PLD5: variants seen among roughly 807,000 people sequenced by gnomAD.
The protein encoded by PLD5 is phospholipase D family member 5, also known as inactive phospholipase D5.
PLD5 carries 36 observed loss-of-function variants against 61.1 expected under a neutral mutation model. The observed-to-expected ratio is 0.59, with a 90% confidence interval of 0.45 to 0.78. The LOEUF is 0.78. Among genes scored for constraint, PLD5 ranks in the 30% least tolerant of loss-of-function variants. PLD5 has a pLI of 0.00. For missense variants in PLD5, 515 were observed against 644.4 expected (o/e 0.80, Z 2.17); for synonymous variants, 243 against 242.8 (o/e 1.00, Z -0.01).
At chr1:242,233,692 G>A (rs1671456128) in intron 4 of PLD5, among the ~76,000 whole-genome samples, 1 of 152,148 alleles carries the variant, frequency 6.6e-6, no homozygotes, top group African/African-American at 2.4e-5. Flanking sequence ...CCAGCAAGTA[G>A]CATAGTGCTG....
intron 1 of PLD5, among the ~76,000 whole-genome samples, chr1:242,495,537 T>C (rs1446329040): frequency 6.6e-6 from 1 of 152,146 alleles, no homozygotes; most frequent in East Asian, 1.9e-4. Context: ...TCAATGTTAC[T>C]GAGATGTTAT....
intron 3 of PLD5, among the ~76,000 whole-genome samples, chr1:242,268,420 T>G (rs1156458154): frequency 3.3e-5 from 5 of 152,236 alleles, no homozygotes; most frequent in Non-Finnish European, 4.4e-5. Flanking sequence ...ACCATCTAAC[T>G]TATCTGTATT....
At chr1:242,158,606 T>C (rs1490674177) in intron 5 of PLD5, among the ~76,000 whole-genome samples, 1 of 152,064 alleles carries the variant, frequency 6.6e-6, no homozygotes, top group Non-Finnish European at 1.5e-5. Flanking sequence ...GGTGAGGCAA[T>C]GCCCCACCCT....
At chr1:242,385,323 G>C (rs1236688962) in intron 1 of PLD5, among the ~76,000 whole-genome samples, 4 of 152,138 alleles carry the variant, frequency 2.6e-5, no homozygotes, top group Admixed American at 1.3e-4. Context: ...CCTCTGGAAT[G>C]TGTCTAGACT....
intron 1 of PLD5, among the ~76,000 whole-genome samples, chr1:242,426,754 G>C (rs749127172): frequency 2.6e-5 from 4 of 152,230 alleles, no homozygotes; most frequent in Non-Finnish European, 4.4e-5. Flanking sequence ...TCTATTCTTA[G>C]ATCATTGGGG....
At chr1:242,496,032 T>C (rs1446974044) in intron 1 of PLD5, among the ~76,000 whole-genome samples, 1 of 152,274 alleles carries the variant, frequency 6.6e-6, no homozygotes, top group Non-Finnish European at 1.5e-5. Context: ...AATTCAAATG[T>C]TCCCTTTTGC....
rs144790259 is a variant in PLD5 at position 242,180,721 on chromosome 1, C to G, written c.735+39267G>C. ...TGGGGATGGGCGTGGTGGCTCATGC[C>G]TGTAATCCCAGCACTTTGGGAGACC... On this transcript the variant is annotated intron_variant, in intron 5 of 9. Coordinates refer to ENST00000536534, the MANE Select transcript of PLD5 (RefSeq NM_001372062.1). Among the ~76,000 whole-genome samples, 1,405 of 152,256 alleles carry G rather than the reference C, an allele frequency of 9.2e-3. 17 individuals carry two copies. Among genetic ancestry groups the G allele is most frequent in the African/African-American group, 0.032 (1,347 of 41,540 alleles).
chr1:242,153,912 G>A (rs1183773403), intron 5 of PLD5, among the ~76,000 whole-genome samples: 2 of 152,110 alleles, frequency 1.3e-5, no homozygotes, highest in Admixed American at 6.5e-5. Flanking sequence ...GATGGGGATA[G>A]CATTGAATCT....
intron 1 of PLD5, among the ~76,000 whole-genome samples, chr1:242,366,810 T>C (rs1661368023): frequency 6.6e-6 from 1 of 152,134 alleles, no homozygotes. Context: ...TAAATATTTG[T>C]CAAATGAGTG....
At chr1:242,333,298 G>T (rs1345858091) in intron 2 of PLD5, among the ~76,000 whole-genome samples, 3 of 152,132 alleles carry the variant, frequency 2.0e-5, no homozygotes, top group Non-Finnish European at 4.4e-5. Flanking sequence ...AGATGAATTT[G>T]GGCTATAAGA....
chr1:242,486,761 C>T (rs555133228), intron 1 of PLD5, among the ~76,000 whole-genome samples: 5 of 152,206 alleles, frequency 3.3e-5, no homozygotes, highest in Middle Eastern at 3.4e-3. Flanking sequence ...CACATGCACA[C>T]GTATGTTTAT....
chr1:242,346,223 GTT>G (rs1660128797), intron 2 of PLD5, among the ~76,000 whole-genome samples: 2 of 151,316 alleles, frequency 1.3e-5, no homozygotes, highest in Non-Finnish European at 2.9e-5. Context: ...CCTAATTCCA[GTT>G]GCATGAATTA....
intron 7 of PLD5, among the ~76,000 whole-genome samples, chr1:242,109,172 T>C (rs1179065720): frequency 6.6e-6 from 1 of 152,212 alleles, no homozygotes; most frequent in African/African-American, 2.4e-5. Context: ...GACCTGGTGA[T>C]GCTACTTCTT....
intron 2 of PLD5, among the ~76,000 whole-genome samples, chr1:242,307,356 A>ATGG (rs1676435415): frequency 2.0e-5 from 3 of 149,180 alleles, no homozygotes; most frequent in African/African-American, 4.9e-5. Flanking sequence ...GACGGTGATG[A>ATGG]TGATGGTGAT....
intron 5 of PLD5, among the ~76,000 whole-genome samples, chr1:242,174,496 C>T (rs553747091): frequency 1.3e-5 from 2 of 152,138 alleles, no homozygotes; most frequent in East Asian, 3.9e-4. Flanking sequence ...TGTGGCGATT[C>T]CTCAGGGATC....
At chr1:242,423,037 G>A (rs1263885525) in intron 1 of PLD5, among the ~76,000 whole-genome samples, 2 of 151,454 alleles carry the variant, frequency 1.3e-5, no homozygotes, top group Admixed American at 1.3e-4. Context: ...TTTTAGTAGC[G>A]ACAAAGTCTC....
intron 1 of PLD5, among the ~76,000 whole-genome samples, chr1:242,393,711 T>C (rs541440913): frequency 5.5e-5 from 8 of 144,974 alleles, no homozygotes; most frequent in Non-Finnish European, 1.1e-4. Context: ...TATGTGTGTA[T>C]ATATGAGTAT....
At chr1:242,147,342 AGTTT>A (rs1213726103) in intron 5 of PLD5, among the ~76,000 whole-genome samples, 3 of 152,312 alleles carry the variant, frequency 2.0e-5, no homozygotes, top group Non-Finnish European at 2.9e-5. Context: ...GCAAAACAGT[AGTTT>A]GTTTCTTTTT....
At chr1:242,519,999 G>T (rs1439978562) in intron 1 of PLD5, among the ~76,000 whole-genome samples, 1 of 152,202 alleles carries the variant, frequency 6.6e-6, no homozygotes, top group Admixed American at 6.5e-5. Context: ...ACTGCACTAA[G>T]TGCTTTGTAT....
Sources: allele counts gnomAD v4.1 joint callset (sites outside exome capture counted in the v4.1 genomes callset), GRCh38; gene constraint gnomAD v4.1.1; transcripts MANE v1.5; gene names NCBI Gene and HGNC (gene_info 2026-07-23, HGNC 2026-07-21).